Variants in DNM2 observed in about 807,000 individuals in gnomAD.
The protein encoded by DNM2 is dynamin 2, also known as dynamin-2.
A neutral mutation model predicts 99.0 loss-of-function variants in DNM2; 15 were observed. That is an observed-to-expected ratio of 0.15 (90% CI 0.10 to 0.23). The LOEUF is 0.23. Ranked by LOEUF, DNM2 falls within the 10% of genes least tolerant of loss-of-function variation. The probability of loss-of-function intolerance (pLI) is 1.00; values close to 1 mark genes in which losing one functional copy is unlikely to be tolerated. For synonymous variants in DNM2, 525 were observed against 481.2 expected, an observed-to-expected ratio of 1.09 and a Z score of -1.19; for missense variants, 742 against 1,189.4, an observed-to-expected ratio of 0.62 and a Z score of 5.53.
In DNM2 at chr19:10,829,102, A is replaced by G. The variant is rs2073247122; in HGVS notation, c.2125A>G (p.Met709Val). The G allele has an allele frequency of 1.2e-6, 2 of 1,613,906 alleles. No homozygotes were observed. The highest frequency in any genetic ancestry group is 1.7e-5 in the Admixed American group (1 of 59,998). ...CTCCTCGGCAGACCAGAGCAGCCTCATGGAGGAGTCGGCTGACCAGGCACA... is the reference window on the plus strand; with the variant it reads ...CTCCTCGGCAGACCAGAGCAGCCTCGTGGAGGAGTCGGCTGACCAGGCACA... ...LYSSADQSSL[M>V]EESADQAQRR... The change falls in exon 19 of 21, where the codon ATG becomes GTG. Residue 709 changes from methionine to valine, a missense_variant. Around this residue, in one of 7 missense-constraint regions of DNM2, gnomAD observed 240 missense variants for 431.3 expected, o/e 0.56. Transcript: ENST00000389253.
chr19:10,796,621 G>A lies in DNM2; in HGVS notation c.1197-759G>A, dbSNP rs2071943884. ...CCCGGCATTCTCAGACTTCCCTGGA[G>A]CCACCGACTTCTCTGTCCCTCAGCT... On this transcript the variant is annotated intron_variant, in intron 9 of 20. Transcript: ENST00000389253. The surrounding 1 kb of genome is among the most constrained non-coding windows in gnomAD (Gnocchi z 5.6). Among the ~76,000 whole-genome samples the A allele has an allele frequency of 6.6e-6, 1 of 152,136 alleles. No individual in the cohort carries two copies. The highest frequency in any genetic ancestry group is 1.5e-5 in the Non-Finnish European group (1 of 68,000).
chr19:10,810,769 T>C (rs763998803), intron 14 of DNM2: 1 of 152,452 alleles, frequency 6.6e-6, no homozygotes, highest in East Asian at 1.9e-4. Context: ...CATTCAGTCA[T>C]GGAACCAGGG....
chr19:10,800,063 G>A (rs1326716098), intron 11 of DNM2, among the ~76,000 whole-genome samples: 1 of 151,956 alleles, frequency 6.6e-6, no homozygotes, highest in Non-Finnish European at 1.5e-5. Flanking sequence ...CGCCATGTTG[G>A]CCAGGCTGGT....
rs534897506 is a variant in DNM2 at position 10,831,790 on chromosome 19, G to A, written c.*743G>A. 1.4e-4 allele frequency: 142 copies of A among 987,308 alleles called. No homozygotes were observed. The highest frequency in any genetic ancestry group is 1.3e-3 in the Admixed American group (21 of 16,406). 61.2% of individuals were successfully genotyped at this position (987,308 alleles called of 1,614,324 possible). On this transcript the variant is annotated 3_prime_UTR_variant, in exon 21 of 21. Coordinates refer to ENST00000389253, the MANE Select transcript of DNM2 (RefSeq NM_001005361.3). This position sits in a 1 kb window ranked among gnomAD's most constrained non-coding sequence, Gnocchi z 4.3. The stretch of plus-strand genomic sequence containing the variant: ...CATGCCTCCCTGATGGGTGGGCCCA[G>A]GGCGGCCTCTCTCTGAGGAGACCTC...
Position 10,775,606 on chromosome 19 carries a change from C to G in DNM2, c.386-97C>G. On this transcript the variant is annotated intron_variant, in intron 3 of 20. Transcript: ENST00000389253. The surrounding 1 kb of genome is among the most constrained non-coding windows in gnomAD (Gnocchi z 4.3). The stretch of plus-strand genomic sequence containing the variant: ...AGGCGACATCCTCAAGTCTGAGCCC[C>G]GCGCAGGAACTTTGGTAGTCAGCTG... The G allele has an allele frequency of 7.3e-7, 1 of 1,375,018 alleles. No individual in the cohort carries two copies. The highest frequency in any genetic ancestry group is 1.2e-5 in the South Asian group (1 of 85,602). 85.2% of individuals were successfully genotyped at this position (1,375,018 alleles called of 1,614,324 possible).
intron 1 of DNM2, among the ~76,000 whole-genome samples, chr19:10,748,789 C>T (rs2070088300): frequency 6.6e-6 from 1 of 152,202 alleles, no homozygotes; most frequent in African/African-American, 2.4e-5. Context: ...ACTTTCAACC[C>T]CTCTGGGGTT....
chr19:10,819,467 C>G (rs980739616), intron 15 of DNM2, among the ~76,000 whole-genome samples: 3 of 152,198 alleles, frequency 2.0e-5, no homozygotes, highest in African/African-American at 7.2e-5. Context: ...GTTCCATTCA[C>G]TTCGTGCAAG....
chr19:10,814,839 C>T, intron 15 of DNM2, among the ~76,000 whole-genome samples: 1 of 152,212 alleles, frequency 6.6e-6, no homozygotes, highest in East Asian at 1.9e-4. Context: ...CCGTTTCTTG[C>T]TTAATTCTCT....
chr19:10,824,928 T>C, intron 17 of DNM2, 129 bp from the exon 18 acceptor site: 2 of 1,458,268 alleles, frequency 1.4e-6, no homozygotes, highest in Non-Finnish European at 1.9e-6. Context: ...GCCTATCTGG[T>C]GCCAGTGGGG....
At chr19:10,771,624 A>G (rs1307249550) in intron 2 of DNM2, among the ~76,000 whole-genome samples, 1 of 152,118 alleles carries the variant, frequency 6.6e-6, no homozygotes, top group Non-Finnish European at 1.5e-5. Flanking sequence ...GTGCTGGTGG[A>G]CCATGAATCC....
chr19:10,738,260 AAAATAAAT>A (rs556305780), intron 1 of DNM2, among the ~76,000 whole-genome samples: 11 of 152,100 alleles, frequency 7.2e-5, no homozygotes, highest in East Asian at 5.8e-4. Context: ...TCCATCTCAA[AAAATAAAT>A]AAATAAATAA....
chr19:10,741,194 A>G (rs935571145), intron 1 of DNM2, among the ~76,000 whole-genome samples: 1 of 152,072 alleles, frequency 6.6e-6, no homozygotes. Context: ...TCCATGATTG[A>G]AAGTGGGGTA....
In DNM2 at chr19:10,797,512, C is replaced by CTCT. The variant is rs761401424; in HGVS notation, c.1329_1330insTCT (p.Ala443_Glu444insSer). On this transcript the variant is annotated inframe_insertion, in exon 10 of 21. Transcript: ENST00000389253. ...TGGCCACGGTCATAAAAAAGTGTGCCGAGAAGGTAACAGGTTTTGTTCTCA... is the reference window on the plus strand; with the variant it reads ...TGGCCACGGTCATAAAAAAGTGTGCCTCTGAGAAGGTAACAGGTTTTGTTCTCA... 6.2e-7 allele frequency: 1 copy of CTCT among 1,613,810 alleles called. No homozygotes were observed. The highest frequency in any genetic ancestry group is 1.1e-5 in the South Asian group (1 of 91,046).
At chr19:10,823,553 G>GA (rs1248058884) in intron 16 of DNM2, 1 of 544,390 alleles carries the variant, frequency 1.8e-6, no homozygotes, top group South Asian at 2.1e-5. Context: ...CAGGAAAAGA[G>GA]AAGAGTCAGC....
intron 1 of DNM2, among the ~76,000 whole-genome samples, chr19:10,727,194 T>C (rs1413553791): frequency 6.6e-6 from 1 of 152,144 alleles, no homozygotes; most frequent in Non-Finnish European, 1.5e-5. Context: ...AGCTGCGCTC[T>C]AGGCTGTCCA....
intron 13 of DNM2, among the ~76,000 whole-genome samples, chr19:10,806,237 TGGCTG>T (rs761776059): frequency 3.3e-5 from 5 of 152,208 alleles, no homozygotes; most frequent in Non-Finnish European, 5.9e-5. Context: ...ACTTGACTCT[TGGCTG>T]GGCACAGTAG....
chr19:10,758,966 G>C (rs1159874238), intron 1 of DNM2, among the ~76,000 whole-genome samples: 1 of 151,620 alleles, frequency 6.6e-6, no homozygotes, highest in Non-Finnish European at 1.5e-5. Context: ...TTCCCACACA[G>C]AGTCTCGCTC....
chr19:10,771,448 C>T (rs983810949), intron 2 of DNM2, among the ~76,000 whole-genome samples: 34 of 152,146 alleles, frequency 2.2e-4, no homozygotes, highest in Admixed American at 6.6e-4. Flanking sequence ...GGATTTGTCT[C>T]TAGGTAGGGG....
intron 8 of DNM2, among the ~76,000 whole-genome samples, chr19:10,794,075 T>A (rs2071844240): frequency 1.3e-5 from 2 of 152,214 alleles, no homozygotes; most frequent in Non-Finnish European, 2.9e-5. Context: ...CCCCTGTGTT[T>A]TTCCTCTGAC....
Sources: allele counts gnomAD v4.1 joint callset (sites outside exome capture counted in the v4.1 genomes callset), GRCh38; gene constraint gnomAD v4.1.1; regional missense constraint gnomAD v4.1.1; non-coding constraint Gnocchi (gnomAD v3.1); transcripts MANE v1.5; gene names NCBI Gene and HGNC (gene_info 2026-07-23, HGNC 2026-07-21).